CCDC68: variants seen among roughly 807,000 people sequenced by gnomAD.
The protein encoded by CCDC68 is coiled-coil domain-containing protein 68.
Under a neutral mutation model 47.1 loss-of-function variants are expected in CCDC68, and 45 were observed. The observed-to-expected ratio is 0.96, with a 90% CI of 0.75 to 1.23. CCDC68 has a LOEUF of 1.23. Among genes scored for constraint, CCDC68 ranks in the 50% most tolerant of loss-of-function variants. The pLI is 0.00. For missense variants in CCDC68, 353 were observed against 373.6 expected (o/e 0.94, Z 0.45); for synonymous variants, 131 against 129.5 (o/e 1.01, Z -0.08).
intron 5 of CCDC68, 28 bp from the exon 6 acceptor site, chr18:54,936,986 T>C (rs747911723): frequency 6.8e-6 from 11 of 1,613,130 alleles, no homozygotes; most frequent in Admixed American, 5.0e-5. Context: ...ATGCATGTTC[T>C]GACATTTACA....
chr18:54,920,381 C>T (rs1223574498), intron 8 of CCDC68, among the ~76,000 whole-genome samples: 1 of 151,894 alleles, frequency 6.6e-6, no homozygotes, highest in Non-Finnish European at 1.5e-5. Context: ...GCTGGGATTA[C>T]AAGCATGCAC....
intron 7 of CCDC68, among the ~76,000 whole-genome samples, chr18:54,931,356 A>G (rs1286465748): frequency 6.6e-6 from 1 of 152,172 alleles, no homozygotes; most frequent in East Asian, 1.9e-4. Flanking sequence ...GGGCAACCCC[A>G]CTATTCCCAG....
intron 1 of CCDC68, among the ~76,000 whole-genome samples, chr18:54,949,455 G>A (rs1466851783): frequency 1.3e-5 from 2 of 152,130 alleles, no homozygotes; most frequent in Non-Finnish European, 2.9e-5. Flanking sequence ...GTCTAGCAGT[G>A]GCTATTACGG....
intron 1 of CCDC68, among the ~76,000 whole-genome samples, chr18:54,947,954 C>T (rs746056110): frequency 3.3e-5 from 5 of 152,186 alleles, no homozygotes; most frequent in African/African-American, 1.2e-4. Flanking sequence ...AATGCACACA[C>T]GTTATTGTGA....
intron 10 of CCDC68, among the ~76,000 whole-genome samples, chr18:54,913,058 A>C (rs999247661): frequency 1.3e-5 from 2 of 152,164 alleles, no homozygotes; most frequent in Non-Finnish European, 2.9e-5. Context: ...CCAGATAAGC[A>C]GATATTGATG....
At chr18:54,926,341 C>T (rs935032627) in intron 8 of CCDC68, among the ~76,000 whole-genome samples, 1 of 152,138 alleles carries the variant, frequency 6.6e-6, no homozygotes, top group Non-Finnish European at 1.5e-5. Flanking sequence ...CATGGCGGGC[C>T]AAAACCATGC....
chr18:54,944,431 G>T lies in CCDC68; in HGVS notation c.-13+957C>A, dbSNP rs375166520. 7.9e-5 allele frequency among the ~76,000 whole-genome samples: 12 copies of T among 152,212 alleles called. 1 individual carries two copies. In the East Asian group the frequency reaches 9.6e-4, roughly 12 times the overall value. ...TCTGGTCATATCAGCAAGCAAAAAAGTGATCAATACTATTTGAATAAGACA... is the reference window on the plus strand; with the variant it reads ...TCTGGTCATATCAGCAAGCAAAAAATTGATCAATACTATTTGAATAAGACA... On this transcript the variant is annotated intron_variant, in intron 2 of 11. Coordinates refer to ENST00000591504, the MANE Select transcript of CCDC68 (RefSeq NM_025214.3).
chr18:54,940,870 G>A (rs889662919), intron 4 of CCDC68, 127 bp downstream of exon 4: 8 of 640,712 alleles, frequency 1.2e-5, no homozygotes, highest in South Asian at 7.9e-5. Context: ...GGCCATTAAC[G>A]TCTTTAGATA....
intron 11 of CCDC68, 81 bp from the exon 12 acceptor site, chr18:54,904,496 C>G (rs1599014884): frequency 2.8e-6 from 3 of 1,079,782 alleles, no homozygotes; most frequent in Middle Eastern, 4.0e-4. Flanking sequence ...ACTCAACTAC[C>G]ACAATACTAT....
chr18:54,921,813 C>T (rs2044065808), intron 8 of CCDC68, among the ~76,000 whole-genome samples: 1 of 152,176 alleles, frequency 6.6e-6, no homozygotes, highest in Non-Finnish European at 1.5e-5. Context: ...TCAATGCAGG[C>T]TGAAGGAAGA....
chr18:54,955,530 T>C (rs2145672622), intron 1 of CCDC68, among the ~76,000 whole-genome samples: 1 of 152,236 alleles, frequency 6.6e-6, no homozygotes, highest in Non-Finnish European at 1.5e-5. Context: ...TAAGCATAAG[T>C]TGTGAAGCAT....
intron 1 of CCDC68, among the ~76,000 whole-genome samples, chr18:54,947,927 T>C (rs144468003): frequency 3.8e-4 from 58 of 152,164 alleles, no homozygotes; most frequent in Non-Finnish European, 4.4e-5. Flanking sequence ...TATTGAAGAG[T>C]TTACAATCTA....
At chr18:54,926,020 A>G (rs1051501355) in intron 8 of CCDC68, among the ~76,000 whole-genome samples, 1 of 152,220 alleles carries the variant, frequency 6.6e-6, no homozygotes, top group African/African-American at 2.4e-5. Context: ...CTCCCACCCC[A>G]AACTACTGCA....
At chr18:54,919,010 G>T (rs2044006096) in intron 9 of CCDC68, among the ~76,000 whole-genome samples, 1 of 152,190 alleles carries the variant, frequency 6.6e-6, no homozygotes, top group Non-Finnish European at 1.5e-5. Context: ...TGGCGCAGAA[G>T]ACTTTTAGAA....
chr18:54,934,815 C>A lies in CCDC68; in HGVS notation c.600+5G>T, dbSNP rs200084908. ...AGAAAATCCTCTAATTCTCCAGGGG[C>A]GTACCTTTTCCATTCTCTGTACAAG... On this transcript the variant is annotated splice_donor_5th_base_variant and intron_variant, in intron 7 of 11. Transcript: ENST00000591504. The A allele has an allele frequency of 5.9e-6, 9 of 1,513,424 alleles. No individual in the cohort carries two copies. Among genetic ancestry groups the A allele is most frequent in the Middle Eastern group, 1.7e-4 (1 of 5,728 alleles). The allele number at this position is 1,513,424 out of a possible 1,614,324, so 93.7% of individuals were successfully genotyped here. A position where few individuals can be genotyped will look rare whatever the true frequency, so the allele number is the denominator to read the frequency against.
In CCDC68 at chr18:54,904,021, A is replaced by C. The variant is rs1913831685; in HGVS notation, c.*337T>G. The C allele has an allele frequency of 4.4e-6, 1 of 225,610 alleles. No individual in the cohort carries two copies. Among genetic ancestry groups the C allele is most frequent in the African/African-American group, 2.3e-5 (1 of 43,106 alleles). The allele number at this position is 225,610 out of a possible 1,614,324, so 14.0% of individuals were successfully genotyped here. ...TATACTCTTAAAAACCACTATAAAA[A>C]AGTCAGAATTGACAATCTTAAAACA... On this transcript the variant is annotated 3_prime_UTR_variant, in exon 12 of 12. Transcript: ENST00000591504.
At chr18:54,957,287 A>G (rs931011108) in intron 1 of CCDC68, among the ~76,000 whole-genome samples, 1 of 152,322 alleles carries the variant, frequency 6.6e-6, no homozygotes. Flanking sequence ...TCATTTTTAG[A>G]CTTGACTTTT....
At chr18:54,931,298 A>G (rs2044256485) in intron 7 of CCDC68, among the ~76,000 whole-genome samples, 1 of 152,088 alleles carries the variant, frequency 6.6e-6, no homozygotes. Flanking sequence ...AGCGCTTCTC[A>G]GGCAATGTCT....
At chr18:54,935,720 C>T (rs1283961539) in intron 6 of CCDC68, among the ~76,000 whole-genome samples, 2 of 152,186 alleles carry the variant, frequency 1.3e-5, no homozygotes, top group Non-Finnish European at 2.9e-5. Flanking sequence ...ATCACTACCA[C>T]AGCCTGATGC....
Sources: allele counts gnomAD v4.1 joint callset (sites outside exome capture counted in the v4.1 genomes callset), GRCh38; gene constraint gnomAD v4.1.1; transcripts MANE v1.5; gene names NCBI Gene and HGNC (gene_info 2026-07-23, HGNC 2026-07-21).